MROH2B: variants seen among roughly 807,000 people sequenced by gnomAD.
MROH2B encodes maestro heat-like repeat-containing protein family member 2B.
A neutral mutation model predicts 208.6 loss-of-function variants in MROH2B; 177 were observed. The ratio of observed to expected loss-of-function variants is 0.85; its 90% CI spans 0.75 to 0.96. MROH2B has a LOEUF of 0.96. Among genes scored for constraint, MROH2B ranks in the 40% least tolerant of loss-of-function variants. The pLI, the probability that MROH2B is intolerant of heterozygous loss-of-function variation, is 0.00. For missense variants in MROH2B, 2,002 were observed against 1,878.7 expected (o/e 1.07, Z -1.21); for synonymous variants, 728 against 659.0 (o/e 1.10, Z -1.60).
chr5:41,041,732 A>G (rs533459740), intron 19 of MROH2B, among the ~76,000 whole-genome samples: 100 of 152,344 alleles, frequency 6.6e-4, no homozygotes, highest in African/African-American at 2.2e-3. Context: ...TTGCAGAAGC[A>G]CTTTAGGTTA....
intron 16 of MROH2B, 91 bp downstream of exon 16, chr5:41,048,233 A>T: frequency 1.4e-6 from 2 of 1,416,596 alleles, no homozygotes; most frequent in South Asian, 1.7e-5. Flanking sequence ...ATTGCCTAAA[A>T]TGAGCATTAA....
intron 26 of MROH2B, 89 bp from the exon 27 acceptor site, chr5:41,018,519 T>C: frequency 3.4e-6 from 5 of 1,487,960 alleles, no homozygotes; most frequent in Non-Finnish European, 4.6e-6. Context: ...GCCTCTTTTG[T>C]AACACGGTGC....
chr5:41,006,002 C>T (rs551995337), intron 34 of MROH2B, among the ~76,000 whole-genome samples: 21 of 138,280 alleles, frequency 1.5e-4, no homozygotes, highest in African/African-American at 5.4e-4. Context: ...CTGCACACTC[C>T]AGCCTGGGCG....
Position 41,018,916 on chromosome 5 carries a change from T to A in MROH2B, c.2544A>T (p.Glu848Asp). Reference sequence around the variant, plus strand: ...GCTCCTTGTCCTTGTCTGTCTGGCCTTCACTTTTCAGATTTTCCAGAGGTG... The same window carrying A: ...GCTCCTTGTCCTTGTCTGTCTGGCCATCACTTTTCAGATTTTCCAGAGGTG... ...PLPPLENLKS[E>D]GQTDKDKEHI... The change falls in exon 25 of 42, where the codon GAA becomes GAT. Residue 848 changes from glutamate to aspartate, a missense_variant. Coordinates refer to ENST00000399564, the MANE Select transcript of MROH2B (RefSeq NM_173489.5). 6.2e-7 allele frequency: 1 copy of A among 1,613,934 alleles called. No homozygotes were observed. Among genetic ancestry groups the A allele is most frequent in the Non-Finnish European group, 8.5e-7 (1 of 1,179,876 alleles).
chr5:41,037,620 G>C (rs1296631172), intron 21 of MROH2B, among the ~76,000 whole-genome samples: 2 of 152,176 alleles, frequency 1.3e-5, no homozygotes, highest in African/African-American at 4.8e-5. Context: ...AATGTGAAGA[G>C]CACTTATGCA....
At chr5:41,025,858 C>T (rs571538314) in intron 24 of MROH2B, among the ~76,000 whole-genome samples, 79 of 152,274 alleles carry the variant, frequency 5.2e-4, no homozygotes, top group African/African-American at 1.9e-3. Flanking sequence ...GGGCTTCATC[C>T]CAGGGATGCA....
intron 13 of MROH2B, among the ~76,000 whole-genome samples, chr5:41,050,295 T>C (rs1743247825): frequency 6.6e-6 from 1 of 152,210 alleles, no homozygotes; most frequent in Non-Finnish European, 1.5e-5. Context: ...GGACCCTAGA[T>C]TATTTTTTTC....
chr5:41,004,588 T>C, intron 36 of MROH2B, 60 bp from the exon 37 acceptor site: 9 of 1,551,758 alleles, frequency 5.8e-6, no homozygotes, highest in Non-Finnish European at 7.8e-6. Flanking sequence ...TGGAAGAGGG[T>C]AGGAGTCCTC....
chr5:41,050,949 C>A (rs367639757), intron 13 of MROH2B, 28 bp downstream of exon 13: 104 of 1,425,702 alleles, frequency 7.3e-5, no homozygotes, highest in African/African-American at 8.7e-5. Flanking sequence ...ATCAAAGTAA[C>A]TGTAAGTGGT....
In MROH2B at chr5:41,054,795, T is replaced by C. The variant is rs1161652697; in HGVS notation, c.1079A>G (p.Lys360Arg). Residue 360 changes from lysine (K) to arginine (R), a missense_variant, in exon 11 of 42, where the codon AAA (lysine) becomes AGA (arginine). Lys to Arg is a conservative substitution (Grantham distance 26, BLOSUM62 2). Coordinates refer to ENST00000399564, the MANE Select transcript of MROH2B (RefSeq NM_173489.5). The part of the protein sequence containing the change: ...DHIISIERTV[K>R]IVMGDLSTKV... ...TGTACTGAGATCACCCATGACGATT[T>C]TGACTGTTCTTTCTATTGAAATGAT... is the stretch of plus-strand genomic sequence containing the variant. The C allele has an allele frequency of 1.9e-6, 3 of 1,612,070 alleles. No homozygotes were observed. Among genetic ancestry groups the C allele is most frequent in the Non-Finnish European group, 1.7e-6 (2 of 1,178,896 alleles).
intron 24 of MROH2B, among the ~76,000 whole-genome samples, chr5:41,028,199 A>G (rs1375078646): frequency 6.6e-6 from 1 of 152,162 alleles, no homozygotes; most frequent in African/African-American, 2.4e-5. Flanking sequence ...AAAAAAAGAT[A>G]TACGTAGTAA....
At position 41,033,154 on chromosome 5, in the gene MROH2B, C is replaced by G. The variant is rs752893873; in HGVS notation, c.2248G>C (p.Asp750His). The G allele has an allele frequency of 5.0e-6, 8 of 1,612,480 alleles. No homozygotes were observed. The highest frequency in any genetic ancestry group is 6.8e-6 in the Non-Finnish European group (8 of 1,179,028). ...CTTCTTGTGAAACTCATTTGCAGAT[C>G]CATGTCCTAAAGCAAAAGCATTTAC... ...LGMSVMNKDM[D>H]LQMSFTRSIT... Residue 750 changes from aspartate to histidine, a missense_variant, in exon 23 of 42, where the codon GAT (aspartate) becomes CAT (histidine). By Grantham distance (81) the Asp-to-His change is moderately conservative (BLOSUM62 -1). Transcript: ENST00000399564.
intron 24 of MROH2B, among the ~76,000 whole-genome samples, chr5:41,025,954 G>A (rs972583550): frequency 2.6e-5 from 4 of 152,136 alleles, no homozygotes; most frequent in Admixed American, 6.5e-5. Context: ...TATCTCAATA[G>A]ATGCAGAAAA....
chr5:41,003,849 T>A (rs1741483023), intron 37 of MROH2B, among the ~76,000 whole-genome samples: 1 of 152,174 alleles, frequency 6.6e-6, no homozygotes, highest in Non-Finnish European at 1.5e-5. Flanking sequence ...AAAATGTGCT[T>A]CCTGGAAGGC....
chr5:41,066,293 A>G (rs1473622242), intron 3 of MROH2B, among the ~76,000 whole-genome samples: 1 of 152,168 alleles, frequency 6.6e-6, no homozygotes, highest in Non-Finnish European at 1.5e-5. Context: ...AATACAAAGG[A>G]CCCAGATAAG....
chr5:41,034,214 A>C (rs1381023234), intron 21 of MROH2B: 1 of 270,004 alleles, frequency 3.7e-6, no homozygotes, highest in Non-Finnish European at 5.7e-6. Flanking sequence ...TGAGAAGCGA[A>C]AAACTATAAA....
chr5:41,005,422 C>CCCCCCT, intron 35 of MROH2B, 109 bp downstream of exon 35: 3 of 151,118 alleles, frequency 2.0e-5, no homozygotes, highest in Non-Finnish European at 4.1e-5. Flanking sequence ...AACCCCCCCC[C>CCCCCCT]CCCTTGAAGT....
At chr5:41,055,306 G>C (rs918996627) in intron 10 of MROH2B, among the ~76,000 whole-genome samples, 3 of 152,136 alleles carry the variant, frequency 2.0e-5, no homozygotes, top group Non-Finnish European at 2.9e-5. Flanking sequence ...TATAATTAAA[G>C]ATTCATTCAA....
chr5:41,031,577 T>G (rs1055317021), intron 24 of MROH2B, among the ~76,000 whole-genome samples: 1 of 152,140 alleles, frequency 6.6e-6, no homozygotes, highest in Non-Finnish European at 1.5e-5. Flanking sequence ...CTTCTATTTC[T>G]GTTTCTTTTT....
Sources: gnomAD v4.1 joint callset for allele counts (sites outside exome capture counted in the v4.1 genomes callset) on GRCh38, gnomAD v4.1.1 for gene constraint, MANE v1.5 for transcripts, NCBI Gene and HGNC (gene_info 2026-07-23, HGNC 2026-07-21) for gene names.